Variants in SV2C observed in about 807,000 individuals in gnomAD.
SV2C encodes the protein synaptic vesicle glycoprotein 2C.
In SV2C, 49 loss-of-function variants were observed where a neutral mutation model predicts 79.7. The ratio of observed to expected loss-of-function variants is 0.61; its 90% confidence interval spans 0.49 to 0.78. The LOEUF is 0.78. SV2C is among the 30% of genes least tolerant of loss of function. SV2C has a pLI of 0.00. For missense variants in SV2C, 833 were observed against 912.9 expected (o/e 0.91, Z 1.13); for synonymous variants, 334 against 333.2 (o/e 1.00, Z -0.03).
At position 76,326,455 on chromosome 5, in the gene SV2C, A is replaced by T. The variant is rs1748999744; in HGVS notation, c.*908A>T. 2 of 152,212 alleles carry T rather than the reference A, an allele frequency of 1.3e-5. No individual in the cohort carries two copies. Among genetic ancestry groups the T allele is most frequent in the South Asian group, 4.1e-4 (2 of 4,828 alleles). 9.4% of individuals were successfully genotyped at this position (152,212 alleles called of 1,614,324 possible). On this transcript the variant is annotated 3_prime_UTR_variant, in exon 13 of 13. Coordinates refer to ENST00000502798, the MANE Select transcript of SV2C (RefSeq NM_014979.4). ...TACCCACACTGTCTCTAGTCTAGAG[A>T]TTGCCAGTGGATAGCTAAATTGTAA...
At chr5:76,177,613 C>T (rs754554821) in intron 2 of SV2C, among the ~76,000 whole-genome samples, 2 of 152,138 alleles carry the variant, frequency 1.3e-5, no homozygotes, top group Admixed American at 6.5e-5. Flanking sequence ...AAGGCAAAAC[C>T]GCAGATAAGG....
At chr5:76,318,481 C>T (rs979825849) in intron 12 of SV2C, among the ~76,000 whole-genome samples, 6 of 152,014 alleles carry the variant, frequency 3.9e-5, no homozygotes, top group Non-Finnish European at 8.8e-5. Context: ...CCCAATAAAT[C>T]GTGAAGGCCC....
chr5:76,343,825 A>G (rs1461360608), intron 12 of SV2C, among the ~76,000 whole-genome samples: 1 of 152,214 alleles, frequency 6.6e-6, no homozygotes, highest in Non-Finnish European at 1.5e-5. Flanking sequence ...GTTCAAGACC[A>G]GCATAGGCAA....
intron 2 of SV2C, among the ~76,000 whole-genome samples, chr5:76,166,861 T>A (rs1311486475): frequency 2.0e-5 from 3 of 152,308 alleles, no homozygotes; most frequent in East Asian, 3.9e-4. Context: ...GTGTTCAGGA[T>A]CAAGTTTGCC....
intron 1 of SV2C, among the ~76,000 whole-genome samples, chr5:76,095,918 G>A (rs757508028): frequency 6.6e-6 from 1 of 152,086 alleles, no homozygotes; most frequent in East Asian, 1.9e-4. Context: ...ACTTAATGCT[G>A]TATATGTTTA....
At chr5:76,153,288 T>C (rs914928449) in intron 2 of SV2C, among the ~76,000 whole-genome samples, 6 of 152,120 alleles carry the variant, frequency 3.9e-5, no homozygotes, top group African/African-American at 1.2e-4. Flanking sequence ...CTCAGTAAAA[T>C]GTTGACCACC....
intron 2 of SV2C, among the ~76,000 whole-genome samples, chr5:76,150,601 T>C (rs1483716390): frequency 6.7e-6 from 1 of 148,594 alleles, no homozygotes; most frequent in Non-Finnish European, 1.5e-5. Flanking sequence ...GTGGCCCAAC[T>C]ATTCGTCTGT....
the SV2C span, chr5:76,075,944 T>TGCATTTATTTTCC: frequency 5.0e-6 from 1 of 199,250 alleles, no homozygotes; most frequent in East Asian, 1.3e-4. Flanking sequence ...TACTATTTTT[T>TGCATTTATTTTCC]GCATTTATTT....
At chr5:76,222,610 T>G (rs1745099501) in intron 4 of SV2C, among the ~76,000 whole-genome samples, 1 of 152,216 alleles carries the variant, frequency 6.6e-6, no homozygotes, top group Non-Finnish European at 1.5e-5. Flanking sequence ...CTAATGTCAG[T>G]TCCATGCTTT....
chr5:76,292,382 C>T (rs1436733148), intron 8 of SV2C, among the ~76,000 whole-genome samples: 2 of 152,210 alleles, frequency 1.3e-5, no homozygotes, highest in Non-Finnish European at 2.9e-5. Context: ...CCCCACAGCA[C>T]TTTCTACCTT....
chr5:75,924,270 G>T, the SV2C span, among the ~76,000 whole-genome samples: 1 of 151,896 alleles, frequency 6.6e-6, no homozygotes, highest in Non-Finnish European at 1.5e-5. Flanking sequence ...GTTTGGGAGG[G>T]GGATGAGGGA....
chr5:76,275,239 G>A lies in SV2C; in HGVS notation c.914-9923G>A, dbSNP rs554162711. Among the ~76,000 whole-genome samples the A allele has an allele frequency of 2.0e-4, 31 of 152,220 alleles. No individual in the cohort carries two copies. In the South Asian group the frequency reaches 5.2e-3, roughly 25 times the overall value. On this transcript the variant is annotated intron_variant, in intron 4 of 12. Coordinates refer to ENST00000502798, the MANE Select transcript of SV2C (RefSeq NM_014979.4). ...GCAGTGGCTCACGCCTGTAATCCCC[G>A]CACTTTGGGAGGCCGAGGCGGGCAG...
At chr5:76,133,568 T>A (rs1462212087) in intron 2 of SV2C, among the ~76,000 whole-genome samples, 1 of 152,226 alleles carries the variant, frequency 6.6e-6, no homozygotes, top group African/African-American at 2.4e-5. Context: ...AGTATTTGTT[T>A]CTTTATGCTT....
At chr5:76,015,156 GT>G in the SV2C span, among the ~76,000 whole-genome samples, 1 of 152,118 alleles carries the variant, frequency 6.6e-6, no homozygotes, top group South Asian at 2.1e-4. Flanking sequence ...TTCATTCTCT[GT>G]TTTACTCTGC....
In SV2C at chr5:76,131,754, G is replaced by T; in HGVS notation, c.4G>T (p.Glu2Ter). ...ATTGGCCATCAGTTGAGATAAGATG[G>T]AAGACTCTTACAAGGATAGGACTTC... The part of the protein sequence containing the change: M[E>*]DSYKDRTSLM... The change falls in exon 2 of 13, where the codon GAA becomes TAA. Residue 2 changes from glutamate (E) to a stop codon, truncating the protein, a stop_gained. Coordinates refer to ENST00000502798, the MANE Select transcript of SV2C (RefSeq NM_014979.4). LOFTEE classifies it high-confidence loss of function. 1 of 1,597,558 alleles carries T rather than the reference G, an allele frequency of 6.3e-7. No homozygotes were observed. The highest frequency in any genetic ancestry group is 8.5e-7 in the Non-Finnish European group (1 of 1,170,166).
chr5:75,910,673 G>A, the SV2C span: 106 of 1,164,476 alleles, frequency 9.1e-5, no homozygotes, highest in Middle Eastern at 4.5e-4. Flanking sequence ...GAAGAAAGAC[G>A]AGGCCAAGAC....
intron 4 of SV2C, among the ~76,000 whole-genome samples, chr5:76,252,681 C>T (rs1024842887): frequency 2.6e-5 from 4 of 152,088 alleles, no homozygotes; most frequent in African/African-American, 9.7e-5. Context: ...GAATATTTTT[C>T]TTTTAACAAC....
chr5:76,289,753 T>C (rs1183434404), intron 6 of SV2C, among the ~76,000 whole-genome samples: 1 of 152,226 alleles, frequency 6.6e-6, no homozygotes, highest in Non-Finnish European at 1.5e-5. Flanking sequence ...TGTTTGCACA[T>C]GGTATTTCTC....
At position 76,244,145 on chromosome 5, in the gene SV2C, G is replaced by A. The variant is rs189659309; in HGVS notation, c.913+34258G>A. ...TTCAGTTAGAATGAAACTCCATGTG[G>A]GCAGGACTTTGTCTCACTTACTACT... On this transcript the variant is annotated intron_variant, in intron 4 of 12. Coordinates refer to ENST00000502798, the MANE Select transcript of SV2C (RefSeq NM_014979.4). 2.0e-4 allele frequency among the ~76,000 whole-genome samples: 30 copies of A among 152,222 alleles called. No individual in the cohort carries two copies. In the East Asian group the frequency reaches 5.0e-3, roughly 25 times the overall value.
Sources: gnomAD v4.1 joint callset for allele counts (sites outside exome capture counted in the v4.1 genomes callset) on GRCh38, gnomAD v4.1.1 for gene constraint, MANE v1.5 for transcripts, NCBI Gene and HGNC (gene_info 2026-07-23, HGNC 2026-07-21) for gene names.